KATNA1: variants seen among roughly 807,000 people sequenced by gnomAD.
KATNA1 encodes the protein katanin catalytic subunit A1.
KATNA1 carries 42 observed loss-of-function variants against 62.6 expected under a neutral mutation model. The ratio of observed to expected loss-of-function variants is 0.67; its 90% CI spans 0.52 to 0.87. The LOEUF is 0.87. Ranked by LOEUF, KATNA1 falls within the 40% of genes least tolerant of loss-of-function variation. The probability of loss-of-function intolerance (pLI) is 0.00; values close to 1 mark genes in which losing one functional copy is unlikely to be tolerated. For synonymous variants in KATNA1, 186 were observed against 201.9 expected, an observed-to-expected ratio of 0.92 and a Z score of 0.67; for missense variants, 498 against 612.5, an observed-to-expected ratio of 0.81 and a Z score of 1.97.
chr6:149,622,988 G>T, intron 4 of KATNA1, 115 bp downstream of exon 4: 1 of 750,962 alleles, frequency 1.3e-6, no homozygotes, highest in Non-Finnish European at 2.0e-6. Flanking sequence ...CAGCCTGGGT[G>T]ACAGAGTGAG....
Position 149,603,261 on chromosome 6 carries a change from A to C in KATNA1, c.729+7T>G. 1 of 1,314,120 alleles carries C rather than the reference A, an allele frequency of 7.6e-7. No homozygotes were observed. The highest frequency in any genetic ancestry group is 1.1e-6 in the Non-Finnish European group (1 of 925,870). 81.4% of individuals were successfully genotyped at this position (1,314,120 alleles called of 1,614,324 possible). A position where few individuals can be genotyped will look rare whatever the true frequency, so the allele number is the denominator to read the frequency against. ...CTTTGACAATGCCATCACAGTAATAAACTTACTTTCCATGGTCTCCTAATG... is the reference window on the plus strand; with the variant it reads ...CTTTGACAATGCCATCACAGTAATACACTTACTTTCCATGGTCTCCTAATG... On this transcript the variant is annotated splice_region_variant and intron_variant, in intron 6 of 10. Transcript: ENST00000367411.
intron 3 of KATNA1, among the ~76,000 whole-genome samples, chr6:149,625,957 A>G (rs189410449): frequency 5.9e-5 from 9 of 151,898 alleles, no homozygotes; most frequent in Non-Finnish European, 1.3e-4. Flanking sequence ...AGACACTCCC[A>G]GATGTGGAAA....
At chr6:149,597,402 C>G in intron 9 of KATNA1, 105 bp downstream of exon 9, 1 of 1,359,274 alleles carries the variant, frequency 7.4e-7, no homozygotes, top group Non-Finnish European at 1.0e-6. Flanking sequence ...GAAGATACTC[C>G]TCATGTATCT....
rs765721502 is a variant in KATNA1 at position 149,623,075 on chromosome 6, T to C, written c.501+28A>G. On this transcript the variant is annotated intron_variant, in intron 4 of 10. Transcript: ENST00000367411. ...CATTTTTACGGTTCAAAAATAACTTTCATTTATAAAAATCAATTAACATTT... is the reference window on the plus strand; with the variant it reads ...CATTTTTACGGTTCAAAAATAACTTCCATTTATAAAAATCAATTAACATTT... 11 of 1,481,990 alleles carry C rather than the reference T, an allele frequency of 7.4e-6. No homozygotes were observed. In the African/African-American group the frequency reaches 1.4e-4, roughly 19 times the overall value. 91.8% of individuals were successfully genotyped at this position (1,481,990 alleles called of 1,614,324 possible).
intron 1 of KATNA1, among the ~76,000 whole-genome samples, chr6:149,647,545 A>G (rs1411885433): frequency 2.0e-5 from 3 of 150,728 alleles, no homozygotes; most frequent in Non-Finnish European, 3.0e-5. Context: ...AAAAAAAAAA[A>G]AAGAACAAAA....
In KATNA1 at chr6:149,648,680, T is replaced by G. The variant is rs1346413517; in HGVS notation, c.-225A>C. On this transcript the variant is annotated 5_prime_UTR_variant, in exon 1 of 11. Coordinates refer to ENST00000367411, the MANE Select transcript of KATNA1 (RefSeq NM_007044.4). The stretch of plus-strand genomic sequence containing the variant: ...GAATTTGAAGACAAACCCGCCAGGG[T>G]CACTTCCGGTGCCGGGGACGACCTC... 1 of 151,814 alleles carries G rather than the reference T, an allele frequency of 6.6e-6. No homozygotes were observed. The highest frequency in any genetic ancestry group is 2.4e-5 in the African/African-American group (1 of 41,288). 9.4% of individuals were successfully genotyped at this position (151,814 alleles called of 1,614,324 possible). A position where few individuals can be genotyped will look rare whatever the true frequency, so the allele number is the denominator to read the frequency against.
intron 6 of KATNA1, among the ~76,000 whole-genome samples, chr6:149,602,276 G>A (rs1048500776): frequency 2.6e-5 from 4 of 152,064 alleles, no homozygotes; most frequent in Admixed American, 6.6e-5. Context: ...CTGAGGCAGC[G>A]GAATCAATTC....
At position 149,623,258 on chromosome 6, in the gene KATNA1, G is replaced by C; in HGVS notation, c.346C>G (p.Gln116Glu). 6.3e-7 allele frequency: 1 copy of C among 1,599,572 alleles called. No individual in the cohort carries two copies. The highest frequency in any genetic ancestry group is 8.5e-7 in the Non-Finnish European group (1 of 1,176,564). Residue 116 changes from glutamine (Q) to glutamate (E), a missense_variant, in exon 4 of 11, where the codon CAA becomes GAA. By Grantham distance (29) the Gln-to-Glu change is conservative (BLOSUM62 2). This residue lies in a region of KATNA1 where 203 missense variants were observed against 198.4 expected (regional missense o/e 1.02). Coordinates refer to ENST00000367411, the MANE Select transcript of KATNA1 (RefSeq NM_007044.4). The part of the protein sequence containing the change: ...RRPSPGPRKR[Q>E]SSQYSDPKSH... ...TTAGGGTCACTGTACTGAGAAGATT[G>C]GCGTTTTCTAGGTCCTGGTGAGGGT... is the stretch of plus-strand genomic sequence containing the variant.
At chr6:149,643,636 A>G (rs1780371802) in intron 1 of KATNA1, among the ~76,000 whole-genome samples, 1 of 151,920 alleles carries the variant, frequency 6.6e-6, no homozygotes, top group Non-Finnish European at 1.5e-5. Context: ...CATGTCCTCA[A>G]ATGTAGATCT....
At chr6:149,605,898 A>AGCTG in intron 4 of KATNA1, among the ~76,000 whole-genome samples, 1 of 152,108 alleles carries the variant, frequency 6.6e-6, no homozygotes, top group Non-Finnish European at 1.5e-5. Context: ...CCTTCTGAGT[A>AGCTG]GGATGACAGG....
In KATNA1 at chr6:149,647,779, A is replaced by G. The variant is rs915866635; in HGVS notation, c.-14+690T>C. On this transcript the variant is annotated intron_variant, in intron 1 of 10. Transcript: ENST00000367411. ...ATTAGTGCTTTCAAGAGAAAAGAGCATCACTGTGCTGTTGGAAGTTAGTAA... is the reference window on the plus strand; with the variant it reads ...ATTAGTGCTTTCAAGAGAAAAGAGCGTCACTGTGCTGTTGGAAGTTAGTAA... Among the ~76,000 whole-genome samples, 5 of 152,318 alleles carry G rather than the reference A, an allele frequency of 3.3e-5. No individual in the cohort carries two copies. In the East Asian group the frequency reaches 9.6e-4, roughly 29 times the overall value.
At chr6:149,637,585 G>A (rs1213901243) in intron 2 of KATNA1, among the ~76,000 whole-genome samples, 1 of 152,114 alleles carries the variant, frequency 6.6e-6, no homozygotes, top group East Asian at 1.9e-4. Flanking sequence ...CCAGCACTTT[G>A]GGAGGTCAAG....
rs1282332770 is a variant in KATNA1 at position 149,597,597 on chromosome 6, T to C, written c.1060A>G (p.Met354Val). 1.2e-6 allele frequency: 2 copies of C among 1,613,970 alleles called. No individual in the cohort carries two copies. The highest frequency in any genetic ancestry group is 1.7e-6 in the Non-Finnish European group (2 of 1,179,908). ...SENDDPSKMVMVLAATNFPWD... is the reference protein window; with the variant it reads ...SENDDPSKMVVVLAATNFPWD... ...GGAAAATTAGTAGCTGCCAGAACCA[T>C]AACCATTTTGGAAGGGTCATCATTT... The change falls in exon 9 of 11, where the codon ATG becomes GTG. Residue 354 changes from methionine (M) to valine (V), a missense_variant. Around this residue, in one of 3 missense-constraint regions of KATNA1, gnomAD observed 267 missense variants for 372.6 expected, o/e 0.72. Transcript: ENST00000367411.
At chr6:149,613,962 T>C (rs1353073909) in intron 4 of KATNA1, among the ~76,000 whole-genome samples, 1 of 152,194 alleles carries the variant, frequency 6.6e-6, no homozygotes, top group Admixed American at 6.6e-5. Context: ...GAACAAAGTG[T>C]TCCTCTACTC....
At chr6:149,599,384 A>T (rs1778447048) in intron 7 of KATNA1, among the ~76,000 whole-genome samples, 1 of 152,158 alleles carries the variant, frequency 6.6e-6, no homozygotes, top group African/African-American at 2.4e-5. Context: ...GACTAGACTG[A>T]TTCTTCCCAC....
chr6:149,639,604 T>TTA lies in KATNA1; in HGVS notation c.-13-1045_-13-1044insTA, dbSNP rs1304000824. On this transcript the variant is annotated intron_variant, in intron 1 of 10. Coordinates refer to ENST00000367411, the MANE Select transcript of KATNA1 (RefSeq NM_007044.4). ...CAGCATGAGACTCTGTCTCAAAAAA[T>TTA]AAAAAAATAAAATAAAATAAATTTA... Among the ~76,000 whole-genome samples, 549 of 151,754 alleles carry TTA rather than the reference T, an allele frequency of 3.6e-3. 2 individuals carry two copies. The highest frequency in any genetic ancestry group is 0.013 in the African/African-American group (523 of 41,402).
At chr6:149,607,932 G>T (rs1476231826) in intron 4 of KATNA1, among the ~76,000 whole-genome samples, 2 of 152,070 alleles carry the variant, frequency 1.3e-5, no homozygotes, top group Non-Finnish European at 2.9e-5. Context: ...CAGGTGTGAT[G>T]GTTCACACCT....
At chr6:149,600,359 G>A (rs540675043) in intron 7 of KATNA1, among the ~76,000 whole-genome samples, 1 of 151,966 alleles carries the variant, frequency 6.6e-6, no homozygotes, top group African/African-American at 2.4e-5. Flanking sequence ...AAGGCCAGGC[G>A]CAGTGGCTCA....
chr6:149,598,320 T>C lies in KATNA1; in HGVS notation c.919A>G (p.Ile307Val). Reference protein sequence around the residue: ...ARFYSPATIFIDEIDSICSRR... With the variant: ...ARFYSPATIFVDEIDSICSRR... The stretch of plus-strand genomic sequence containing the variant: ...CTACAGATGGAGTCTATCTCATCAA[T>C]AAATATGGTGGCTGGAGAATAAAAT... The change falls in exon 8 of 11, where the codon ATT (isoleucine) becomes GTT (valine). Residue 307 changes from isoleucine to valine, a missense_variant. Ile to Val is a conservative substitution (Grantham distance 29). Coordinates refer to ENST00000367411, the MANE Select transcript of KATNA1 (RefSeq NM_007044.4). 1.2e-6 allele frequency: 2 copies of C among 1,613,820 alleles called. No homozygotes were observed. The highest frequency in any genetic ancestry group is 1.7e-6 in the Non-Finnish European group (2 of 1,179,864).
Sources: gnomAD v4.1 joint callset for allele counts (sites outside exome capture counted in the v4.1 genomes callset) on GRCh38, gnomAD v4.1.1 for gene constraint, gnomAD v4.1.1 regional missense constraint, MANE v1.5 for transcripts, NCBI Gene and HGNC (gene_info 2026-07-23, HGNC 2026-07-21) for gene names.